PPP1R1C: variants seen among roughly 807,000 people sequenced by gnomAD.
The protein encoded by PPP1R1C is protein phosphatase 1 regulatory subunit 1C.
PPP1R1C carries 15 observed loss-of-function variants against 17.4 expected under a neutral mutation model. That is an observed-to-expected ratio of 0.86 (90% CI 0.58 to 1.33). The LOEUF is 1.33. Among genes scored for constraint, PPP1R1C ranks in the 40% most tolerant of loss-of-function variants. PPP1R1C has a pLI of 0.00. For missense variants in PPP1R1C, 143 were observed against 130.0 expected (o/e 1.10, Z -0.48); for synonymous variants, 35 against 43.1 (o/e 0.81, Z 0.73).
rs116115708 is a variant in PPP1R1C, at chr2:182,122,882, T to A, written c.*6+5581T>A. On this transcript the variant is annotated intron_variant, in intron 5 of 5. Transcript: ENST00000280295. The stretch of plus-strand genomic sequence containing the variant: ...TTTTAGTTTATTATTATACTCTAAG[T>A]TCTGGGATACCTGTGCAGAACGTAC... Among the ~76,000 whole-genome samples the A allele has an allele frequency of 3.1e-3, 479 of 152,290 alleles. 3 individuals are homozygous for A. Among genetic ancestry groups the A allele is most frequent in the African/African-American group, 0.011 (464 of 41,544 alleles).
Position 181,997,248 on chromosome 2 carries a change from AAAG to A in PPP1R1C, c.142+9354_142+9356del, listed in dbSNP as rs575124280. Among the ~76,000 whole-genome samples the A allele has an allele frequency of 2.6e-3, 396 of 151,994 alleles. 1 individual carries two copies. Among genetic ancestry groups the A allele is most frequent in the African/African-American group, 6.3e-3 (260 of 41,482 alleles). Reference sequence around the variant, plus strand: ...CGTCTCAAAAAAAAAAAAAAAAAGAAAAGAAGACATATACACAAATATTTACAT... The same window carrying A: ...CGTCTCAAAAAAAAAAAAAAAAAGAAAAGACATATACACAAATATTTACAT... On this transcript the variant is annotated intron_variant, in intron 2 of 4. Transcript: ENST00000682840.
chr2:182,087,330 G>T (rs532249815), intron 4 of PPP1R1C, among the ~76,000 whole-genome samples: 4 of 152,294 alleles, frequency 2.6e-5, no homozygotes, highest in Admixed American at 2.6e-4. Flanking sequence ...AGCTTGCTCT[G>T]CCTGAAGCAC....
chr2:181,995,462 C>T (rs1483468991), intron 2 of PPP1R1C, among the ~76,000 whole-genome samples: 1 of 152,164 alleles, frequency 6.6e-6, no homozygotes, highest in Non-Finnish European at 1.5e-5. Context: ...CATGTGTTTT[C>T]CCACACCACT....
At chr2:181,969,043 G>A (rs1327577987) in intron 1 of PPP1R1C, among the ~76,000 whole-genome samples, 1 of 151,978 alleles carries the variant, frequency 6.6e-6, no homozygotes, top group Non-Finnish European at 1.5e-5. Context: ...TTCTATTTGT[G>A]TCTTATTGTA....
chr2:182,108,068 A>G (rs960656572), intron 4 of PPP1R1C, among the ~76,000 whole-genome samples: 5 of 151,912 alleles, frequency 3.3e-5, no homozygotes, highest in African/African-American at 9.7e-5. Flanking sequence ...AGTATCCTCT[A>G]TTGTTTCCTA....
At chr2:182,003,066 G>A (rs1054376804) in intron 2 of PPP1R1C, among the ~76,000 whole-genome samples, 1 of 151,832 alleles carries the variant, frequency 6.6e-6, no homozygotes, top group African/African-American at 2.4e-5. Flanking sequence ...ACAACATTCT[G>A]CCAAACTATC....
intron 2 of PPP1R1C, among the ~76,000 whole-genome samples, chr2:181,997,844 C>T (rs1685657716): frequency 6.6e-6 from 1 of 152,168 alleles, no homozygotes; most frequent in Admixed American, 6.5e-5. Context: ...TTGACTTCAG[C>T]ATTACAGTTA....
chr2:181,955,961 A>T (rs972674805), intron 1 of PPP1R1C, among the ~76,000 whole-genome samples: 1 of 152,138 alleles, frequency 6.6e-6, no homozygotes, highest in Middle Eastern at 3.2e-3. Context: ...CACATGTGCC[A>T]TGGTGGTTTG....
chr2:182,051,455 G>T (rs1687514149), intron 2 of PPP1R1C, among the ~76,000 whole-genome samples: 2 of 152,062 alleles, frequency 1.3e-5, no homozygotes, highest in Non-Finnish European at 2.9e-5. Context: ...CTTAGCCATG[G>T]TTTTTTTCTG....
intron 2 of PPP1R1C, among the ~76,000 whole-genome samples, chr2:182,009,706 CA>C (rs1686034833): frequency 6.6e-6 from 1 of 151,952 alleles, no homozygotes; most frequent in East Asian, 1.9e-4. Context: ...TTGCTAAGAC[CA>C]AATCCTGGAG....
chr2:182,100,681 T>C (rs909442648), intron 4 of PPP1R1C, among the ~76,000 whole-genome samples: 15 of 152,300 alleles, frequency 9.8e-5, no homozygotes, highest in African/African-American at 3.1e-4. Flanking sequence ...CTGCTGAACC[T>C]CAGGAAATAA....
chr2:182,091,699 A>C (rs1203920799), intron 4 of PPP1R1C, among the ~76,000 whole-genome samples: 2 of 152,098 alleles, frequency 1.3e-5, no homozygotes, highest in Non-Finnish European at 2.9e-5. Flanking sequence ...CACCATCAGC[A>C]CTTCCAATGA....
At chr2:182,130,836 A>G (rs886949333), downstream of PPP1R1C, 4 of 152,182 alleles carry the variant, frequency 2.6e-5, no homozygotes, top group African/African-American at 9.7e-5. Context: ...TTTTGAGAAC[A>G]CCCAATAGTT....
Position 182,073,142 on chromosome 2 carries a change from G to C in PPP1R1C, c.241+9351G>C, listed in dbSNP as rs180872104. ...TTTACATAGAGGCGTTTCTTCGTCC[G>C]CCTTCCTGCCAGTTCTAAATCCTTT... On this transcript the variant is annotated intron_variant, in intron 4 of 4. Coordinates refer to ENST00000682840, the MANE Select transcript of PPP1R1C (RefSeq NM_001080545.3). Among the ~76,000 whole-genome samples, 33 of 152,080 alleles carry C rather than the reference G, an allele frequency of 2.2e-4. No individual in the cohort carries two copies. In the East Asian group the frequency reaches 6.2e-3, roughly 28 times the overall value.
At chr2:182,075,811 A>G (rs554183138) in intron 4 of PPP1R1C, among the ~76,000 whole-genome samples, 1 of 151,860 alleles carries the variant, frequency 6.6e-6, no homozygotes, top group East Asian at 1.9e-4. Context: ...CAAATTTTGG[A>G]GTTTCCTTTT....
At chr2:181,995,248 A>G (rs1685580737) in intron 2 of PPP1R1C, among the ~76,000 whole-genome samples, 2 of 152,238 alleles carry the variant, frequency 1.3e-5, no homozygotes, top group South Asian at 4.1e-4. Context: ...TGTACAGTAC[A>G]CAGACTAGAT....
upstream of PPP1R1C, among the ~76,000 whole-genome samples, chr2:181,981,565 C>T (rs979605824): frequency 1.3e-5 from 2 of 152,004 alleles, no homozygotes; most frequent in African/African-American, 4.8e-5. Flanking sequence ...TGGGATTCGA[C>T]CACATTTTAT....
chr2:182,023,397 G>A (rs1432165768), intron 2 of PPP1R1C, among the ~76,000 whole-genome samples: 1 of 151,938 alleles, frequency 6.6e-6, no homozygotes, highest in South Asian at 2.1e-4. Flanking sequence ...TTCATGTGTA[G>A]GGAAAAGACA....
chr2:181,979,027 A>G (rs1473581201), intron 2 of PPP1R1C, among the ~76,000 whole-genome samples: 1 of 152,150 alleles, frequency 6.6e-6, no homozygotes, highest in African/African-American at 2.4e-5. Flanking sequence ...AACAGTTTTC[A>G]TGAATTACCT....
Sources: gnomAD v4.1 joint callset for allele counts (sites outside exome capture counted in the v4.1 genomes callset) on GRCh38, gnomAD v4.1.1 for gene constraint, MANE v1.5 for transcripts, NCBI Gene and HGNC (gene_info 2026-07-23, HGNC 2026-07-21) for gene names.